ANK3: variants seen among roughly 807,000 people sequenced by gnomAD.
ANK3 encodes the protein ankyrin-3.
A neutral mutation model predicts 370.9 loss-of-function variants in ANK3; 57 were observed. That is an observed-to-expected ratio of 0.15 (90% confidence interval 0.12 to 0.19). ANK3 has a LOEUF of 0.19. Ranked by LOEUF, ANK3 falls within the 10% of genes least tolerant of loss-of-function variation. The probability of loss-of-function intolerance (pLI) is 1.00; values close to 1 mark genes in which losing one functional copy is unlikely to be tolerated. For missense variants in ANK3, 4,439 were observed against 5,302.1 expected (o/e 0.84, Z 5.06); for synonymous variants, 1,929 against 1,946.3 (o/e 0.99, Z 0.23).
intron 2 of ANK3, among the ~76,000 whole-genome samples, chr10:60,425,519 A>G (rs1488182205): frequency 1.3e-5 from 2 of 152,130 alleles, no homozygotes; most frequent in Non-Finnish European, 2.9e-5. Context: ...CACCTCTGCA[A>G]GCCAAGCTGA....
At chr10:60,515,353 C>T (rs956553289) in intron 2 of ANK3, among the ~76,000 whole-genome samples, 2 of 152,038 alleles carry the variant, frequency 1.3e-5, no homozygotes, top group African/African-American at 4.8e-5. Flanking sequence ...CTGGGCTGGC[C>T]TAGCATGAAA....
intron 1 of ANK3, among the ~76,000 whole-genome samples, chr10:60,642,483 G>A (rs939810853): frequency 1.2e-4 from 18 of 152,096 alleles, no homozygotes; most frequent in Non-Finnish European, 2.1e-4. Context: ...TCCTTTGTAG[G>A]GACATGGATG....
In ANK3 at chr10:60,259,996, T is replaced by C. The variant is rs1054749338; in HGVS notation, c.798+1863A>G. 2.6e-5 allele frequency among the ~76,000 whole-genome samples: 4 copies of C among 152,332 alleles called. No individual in the cohort carries two copies. The East Asian group carries it at 7.7e-4, about 29-fold the overall frequency. On this transcript the variant is annotated intron_variant, in intron 7 of 43. Transcript: ENST00000280772. ...AAGAAAAATTGTGAATAAAACTGAC[T>C]GACGCTCTCCAGTCATTTAAACTGA...
At chr10:60,260,063 G>A (rs567291329) in intron 7 of ANK3, among the ~76,000 whole-genome samples, 7 of 152,292 alleles carry the variant, frequency 4.6e-5, no homozygotes, top group African/African-American at 1.7e-4. Context: ...ATAGGAAATA[G>A]CTTTTCTATT....
chr10:60,707,330 C>T (rs897137518), intron 1 of ANK3, among the ~76,000 whole-genome samples: 4 of 152,086 alleles, frequency 2.6e-5, no homozygotes, highest in African/African-American at 9.7e-5. Flanking sequence ...CTTTAAAGCC[C>T]CATTTGTCAC....
At chr10:60,727,594 C>T (rs982175936) in intron 1 of ANK3, among the ~76,000 whole-genome samples, 1 of 152,128 alleles carries the variant, frequency 6.6e-6, no homozygotes, top group African/African-American at 2.4e-5. Flanking sequence ...GACATGTACA[C>T]ATACCAACAC....
At chr10:60,193,099 GAGAT>G (rs1243651401) in intron 16 of ANK3, among the ~76,000 whole-genome samples, 1 of 152,158 alleles carries the variant, frequency 6.6e-6, no homozygotes, top group Non-Finnish European at 1.5e-5. Context: ...ACATGTGCCA[GAGAT>G]GGCATTACCC....
chr10:60,235,516 T>G (rs2097314817), intron 7 of ANK3, among the ~76,000 whole-genome samples: 1 of 151,428 alleles, frequency 6.6e-6, no homozygotes, highest in African/African-American at 2.4e-5. Flanking sequence ...CAAGGAAATG[T>G]ACGCATACAT....
intron 2 of ANK3, among the ~76,000 whole-genome samples, chr10:60,439,271 A>T (rs1357638267): frequency 6.6e-6 from 1 of 152,180 alleles, no homozygotes; most frequent in African/African-American, 2.4e-5. Flanking sequence ...ACTTCTGTGA[A>T]CTGCTAGAGA....
intron 25 of ANK3, among the ~76,000 whole-genome samples, chr10:60,129,768 C>G (rs200829763): frequency 6.8e-6 from 1 of 146,864 alleles, no homozygotes; most frequent in African/African-American, 2.5e-5. Flanking sequence ...CACACACACA[C>G]AAACACACAC....
chr10:60,027,195 C>CAAAG lies in ANK3; in HGVS notation c.*2647_*2650dup, dbSNP rs778235704. The CAAAG allele has an allele frequency of 4.0e-5, 6 of 151,422 alleles. No individual in the cohort carries two copies. The highest frequency in any genetic ancestry group is 6.6e-5 in the Admixed American group (1 of 15,180). 9.4% of individuals were successfully genotyped at this position (151,422 alleles called of 1,614,324 possible). A position where few individuals can be genotyped will look rare whatever the true frequency, so the allele number is the denominator to read the frequency against. ...CTGGTTCAGGATAAACACCTTCTCT[C>CAAAG]AAAGACTGAGTCAGAAATTCGTAAC... On this transcript the variant is annotated 3_prime_UTR_variant, in exon 44 of 44. Transcript: ENST00000280772.
In ANK3 at chr10:60,278,857, A is replaced by G. The variant is rs1218530122; in HGVS notation, c.331T>C (p.Leu111=). Residue 111 remains leucine, a synonymous_variant, in exon 4 of 44, where the codon TTG becomes CTG. Coordinates refer to ENST00000280772, the MANE Select transcript of ANK3 (RefSeq NM_020987.5). ...DAATKKGNTA[L]HIASLAGQAE... ...TGCCCAGCCAAAGATGCGATGTGCA[A>G]TGCTGTGTTTCCTTTCTGTGAAATG... The G allele has an allele frequency of 6.2e-7, 1 of 1,613,924 alleles. No individual in the cohort carries two copies. The highest frequency in any genetic ancestry group is 1.7e-5 in the Admixed American group (1 of 59,970).
At chr10:60,724,545 T>C (rs1343381510) in intron 1 of ANK3, among the ~76,000 whole-genome samples, 3 of 152,190 alleles carry the variant, frequency 2.0e-5, no homozygotes, top group Non-Finnish European at 4.4e-5. Context: ...AAAGATACAA[T>C]ACTTTAAGTA....
In ANK3 at chr10:60,395,628, C is replaced by CGT. The variant is rs1256145477; in HGVS notation, c.97-115990_97-115989insAC. 8.3e-3 allele frequency among the ~76,000 whole-genome samples: 1,133 copies of CGT among 137,120 alleles called. 11 individuals are homozygous for CGT. Among genetic ancestry groups the CGT allele is most frequent in the African/African-American group, 0.033 (1,067 of 31,996 alleles). The allele number at this position is 137,120 out of a possible 152,430, so 90.0% of individuals were successfully genotyped here. On this transcript the variant is annotated intron_variant, in intron 2 of 43. Coordinates refer to the ANK3 transcript ENST00000373827. ...TCTTTCTCTCTTTCGTTCTCTCTCTCTCTCTCTCTCTCTCTCTCTCTCTTT... is the reference window on the plus strand; with the variant it reads ...TCTTTCTCTCTTTCGTTCTCTCTCTCGTTCTCTCTCTCTCTCTCTCTCTCTTT...
intron 18 of ANK3, among the ~76,000 whole-genome samples, chr10:60,176,237 T>C (rs2095946278): frequency 6.7e-6 from 1 of 150,344 alleles, no homozygotes; most frequent in South Asian, 2.1e-4. Context: ...TGGTGGCATG[T>C]GTCTGTAGTC....
intron 2 of ANK3, among the ~76,000 whole-genome samples, chr10:60,582,055 A>G (rs992333755): frequency 1.3e-5 from 2 of 152,092 alleles, no homozygotes; most frequent in African/African-American, 2.4e-5. Flanking sequence ...CTCACTCATA[A>G]GTGGGAGTTC....
intron 1 of ANK3, among the ~76,000 whole-genome samples, chr10:60,340,130 GC>G (rs34402160): frequency 2.0e-5 from 3 of 152,140 alleles, no homozygotes; most frequent in African/African-American, 7.2e-5. Context: ...TGTTGCCCAG[GC>G]TAGGGTGCTC....
intron 2 of ANK3, among the ~76,000 whole-genome samples, chr10:60,535,796 C>A (rs1382757317): frequency 1.3e-5 from 2 of 151,580 alleles, no homozygotes. Flanking sequence ...AAAAGTAGAT[C>A]TATAGTACTA....
intron 7 of ANK3, among the ~76,000 whole-genome samples, chr10:60,250,768 A>G (rs2097650799): frequency 6.6e-6 from 1 of 152,212 alleles, no homozygotes; most frequent in South Asian, 2.1e-4. Flanking sequence ...TCATAAGATC[A>G]TCAAGTTTCT....
Sources: allele counts gnomAD v4.1 joint callset (sites outside exome capture counted in the v4.1 genomes callset), GRCh38; gene constraint gnomAD v4.1.1; transcripts MANE v1.5; gene names NCBI Gene and HGNC (gene_info 2026-07-23, HGNC 2026-07-21).